Variants in GMDS observed in about 807,000 individuals in gnomAD.
The protein encoded by GMDS is GDP-mannose 4,6-dehydratase, also known as GDP-mannose 4,6 dehydratase.
GMDS carries 20 observed loss-of-function variants against 49.9 expected under a neutral mutation model. That is an observed-to-expected ratio of 0.40 (90% CI 0.28 to 0.58). The LOEUF (loss-of-function observed/expected upper bound fraction) is 0.58, where lower values mean the gene tolerates loss of function less well. Ranked by LOEUF, GMDS falls within the 20% of genes least tolerant of loss-of-function variation. The pLI, the probability that GMDS is intolerant of heterozygous loss-of-function variation, is 0.42. For synonymous variants in GMDS, 177 were observed against 178.6 expected, an observed-to-expected ratio of 0.99 and a Z score of 0.07; for missense variants, 362 against 481.4, an observed-to-expected ratio of 0.75 and a Z score of 2.32.
intron 7 of GMDS, among the ~76,000 whole-genome samples, chr6:1,891,556 G>T (rs551528211): frequency 3.3e-5 from 5 of 152,304 alleles, no homozygotes; most frequent in African/African-American, 9.6e-5. Flanking sequence ...TTAAGTACTT[G>T]ATCTCCTAAT....
chr6:1,675,070 T>C (rs1281170843), intron 9 of GMDS, among the ~76,000 whole-genome samples: 1 of 152,152 alleles, frequency 6.6e-6, no homozygotes, highest in Admixed American at 6.5e-5. Context: ...CCCAAGTAGC[T>C]GGGATTACAG....
At chr6:2,090,467 C>G (rs1773254407) in intron 4 of GMDS, among the ~76,000 whole-genome samples, 1 of 152,166 alleles carries the variant, frequency 6.6e-6, no homozygotes. Context: ...AAAATACTCA[C>G]AATGATGTAT....
At chr6:1,987,539 G>C (rs1192588118) in intron 4 of GMDS, among the ~76,000 whole-genome samples, 1 of 152,100 alleles carries the variant, frequency 6.6e-6, no homozygotes, top group Non-Finnish European at 1.5e-5. Flanking sequence ...ATCGTGAAGG[G>C]AACAAGCAAA....
At chr6:1,740,195 G>C (rs772917846) in intron 8 of GMDS, among the ~76,000 whole-genome samples, 4 of 152,072 alleles carry the variant, frequency 2.6e-5, no homozygotes, top group Non-Finnish European at 5.9e-5. Context: ...AAATATGTTA[G>C]AGAGTTATTA....
intron 9 of GMDS, among the ~76,000 whole-genome samples, chr6:1,639,125 C>T (rs537785944): frequency 1.5e-4 from 23 of 152,082 alleles, no homozygotes; most frequent in Non-Finnish European, 2.8e-4. Context: ...CCTGTGGATA[C>T]GGGGAGAGGG....
intron 6 of GMDS, chr6:1,930,828 T>C (rs992670565): frequency 2.0e-5 from 3 of 152,214 alleles, no homozygotes; most frequent in Admixed American, 6.5e-5. Context: ...ATCCAAATGA[T>C]ATGATATGGC....
At chr6:1,645,576 C>T (rs930834132) in intron 9 of GMDS, among the ~76,000 whole-genome samples, 3 of 152,240 alleles carry the variant, frequency 2.0e-5, no homozygotes, top group African/African-American at 7.2e-5. Context: ...TTTCCTCCCA[C>T]TCTCCGGGTC....
rs547260480 is a variant in GMDS, at chr6:2,162,117, C to T, written c.103-37386G>A. On this transcript the variant is annotated intron_variant, in intron 1 of 10. Transcript: ENST00000380815. ...TCACTGCATTCATAGACAAAAATCTCTTGAGACTAAACTGGCCCCAGAGCC... is the reference window on the plus strand; with the variant it reads ...TCACTGCATTCATAGACAAAAATCTTTTGAGACTAAACTGGCCCCAGAGCC... Among the ~76,000 whole-genome samples the T allele has an allele frequency of 2.0e-5, 3 of 152,318 alleles. No homozygotes were observed. The South Asian group carries it at 6.2e-4, about 32-fold the overall frequency.
At chr6:2,189,783 G>C (rs1272665123) in intron 1 of GMDS, among the ~76,000 whole-genome samples, 1 of 152,190 alleles carries the variant, frequency 6.6e-6, no homozygotes, top group African/African-American at 2.4e-5. Context: ...GAATGGCTTT[G>C]ATATGCTACT....
chr6:1,828,243 G>A (rs1489029030), intron 7 of GMDS, among the ~76,000 whole-genome samples: 1 of 151,970 alleles, frequency 6.6e-6, no homozygotes, highest in Non-Finnish European at 1.5e-5. Flanking sequence ...TTGAGAAACA[G>A]AAAGAAGAAT....
At chr6:2,158,302 G>A (rs1777210132) in intron 1 of GMDS, among the ~76,000 whole-genome samples, 1 of 152,086 alleles carries the variant, frequency 6.6e-6, no homozygotes, top group Admixed American at 6.6e-5. Context: ...AGAATTCAAA[G>A]GCTATCTCAA....
chr6:2,168,377 G>C (rs967605065), intron 1 of GMDS, among the ~76,000 whole-genome samples: 1 of 152,176 alleles, frequency 6.6e-6, no homozygotes, highest in Non-Finnish European at 1.5e-5. Flanking sequence ...TCCATGAGTA[G>C]AAGAAACAAG....
intron 1 of GMDS, among the ~76,000 whole-genome samples, chr6:2,244,567 G>A (rs1460597533): frequency 2.0e-5 from 3 of 152,092 alleles, no homozygotes; most frequent in Non-Finnish European, 1.5e-5. Flanking sequence ...CCTCTAAGAG[G>A]CGACCCTCAC....
chr6:2,011,543 AC>A (rs1486067920), intron 4 of GMDS, among the ~76,000 whole-genome samples: 1 of 152,236 alleles, frequency 6.6e-6, no homozygotes, highest in Non-Finnish European at 1.5e-5. Context: ...TGTGGAAACA[AC>A]ATACATGTCC....
Position 1,820,781 on chromosome 6 carries a change from C to T in GMDS, c.772-78195G>A, listed in dbSNP as rs979846049. Among the ~76,000 whole-genome samples the T allele has an allele frequency of 2.0e-5, 3 of 152,232 alleles. No homozygotes were observed. In the East Asian group the frequency reaches 5.8e-4, roughly 29 times the overall value. ...TAGTTTACATAGTGCTTTATAACTGCAAGCCTGCTGCTTTTTAAACAATGA... is the reference window on the plus strand; with the variant it reads ...TAGTTTACATAGTGCTTTATAACTGTAAGCCTGCTGCTTTTTAAACAATGA... On this transcript the variant is annotated intron_variant, in intron 7 of 10. Coordinates refer to ENST00000380815, the MANE Select transcript of GMDS (RefSeq NM_001500.4).
At chr6:1,770,257 C>A (rs976704575) in intron 7 of GMDS, among the ~76,000 whole-genome samples, 5 of 152,192 alleles carry the variant, frequency 3.3e-5, no homozygotes, top group Non-Finnish European at 5.9e-5. Context: ...AGGAAATTCA[C>A]AGACAGTTTT....
Position 1,987,127 on chromosome 6 carries a change from C to T in GMDS, c.346-26161G>A, listed in dbSNP as rs553442088. On this transcript the variant is annotated intron_variant, in intron 4 of 10. Coordinates refer to ENST00000380815, the MANE Select transcript of GMDS (RefSeq NM_001500.4). ...CTGTGCTAGAAGCTTCCCTACTACA[C>T]AGAAGTTAGGGGCAGAAAAGGGACT... is the stretch of plus-strand genomic sequence containing the variant. Among the ~76,000 whole-genome samples the T allele has an allele frequency of 3.9e-5, 6 of 152,090 alleles. No individual in the cohort carries two copies. The South Asian group carries it at 1.2e-3, about 32-fold the overall frequency.
At chr6:1,991,962 C>T (rs916320613) in intron 4 of GMDS, among the ~76,000 whole-genome samples, 1 of 152,188 alleles carries the variant, frequency 6.6e-6, no homozygotes, top group East Asian at 1.9e-4. Flanking sequence ...CAAGGAAGGC[C>T]AAATCGCTGC....
intron 4 of GMDS, among the ~76,000 whole-genome samples, chr6:2,054,286 A>G (rs1770655091): frequency 6.6e-6 from 1 of 152,146 alleles, no homozygotes; most frequent in African/African-American, 2.4e-5. Context: ...GCCCACATAT[A>G]GTAACTATAA....
Sources: allele counts gnomAD v4.1 joint callset (sites outside exome capture counted in the v4.1 genomes callset), GRCh38; gene constraint gnomAD v4.1.1; transcripts MANE v1.5; gene names NCBI Gene and HGNC (gene_info 2026-07-23, HGNC 2026-07-21).